CNDP2: variants seen among roughly 807,000 people sequenced by gnomAD.
CNDP2 encodes carnosine dipeptidase 2, also known as cytosolic non-specific dipeptidase.
CNDP2 carries 38 observed loss-of-function variants against 55.0 expected under a neutral mutation model. The observed-to-expected ratio is 0.69, with a 90% CI of 0.53 to 0.90. The LOEUF is 0.90. Among genes scored for constraint, CNDP2 ranks in the 40% least tolerant of loss-of-function variants. The probability of loss-of-function intolerance (pLI) is 0.00; values close to 1 mark genes in which losing one functional copy is unlikely to be tolerated. For missense variants in CNDP2, 607 were observed against 621.7 expected, an observed-to-expected ratio of 0.98 and a Z score of 0.25; for synonymous variants, 241 against 260.2, an observed-to-expected ratio of 0.93 and a Z score of 0.71.
At chr18:74,499,486 T>G (rs1239570151) in intron 1 of CNDP2, 3 of 154,308 alleles carry the variant, frequency 1.9e-5, no homozygotes, top group African/African-American at 4.8e-5. Flanking sequence ...GTTGTGGGTT[T>G]GTGGTGGTGG....
At chr18:74,512,245 C>T (rs988480272) in intron 6 of CNDP2, 15 of 553,566 alleles carry the variant, frequency 2.7e-5, no homozygotes, top group African/African-American at 2.7e-4. Context: ...CTGTGGTTGG[C>T]ATATGCCACA....
Position 74,518,825 on chromosome 18 carries a change from C to T in CNDP2, c.1211-124C>T, listed in dbSNP as rs569700752. ...CTGGACCCCTGGCGGACCTTGAACG[C>T]GGGCTTGCTGTCCCCAGGGCCTTGC... On this transcript the variant is annotated intron_variant, in intron 10 of 11. Coordinates refer to ENST00000324262, the MANE Select transcript of CNDP2 (RefSeq NM_018235.3). The T allele has an allele frequency of 3.8e-4, 559 of 1,472,926 alleles. 4 individuals are homozygous for T. In the South Asian group the frequency reaches 4.8e-3, roughly 13 times the overall value. The allele number at this position is 1,472,926 out of a possible 1,614,324, so 91.2% of individuals were successfully genotyped here. A position where few individuals can be genotyped will look rare whatever the true frequency, so the allele number is the denominator to read the frequency against.
chr18:74,501,856 C>G (rs909604522), intron 3 of CNDP2, among the ~76,000 whole-genome samples: 3 of 152,138 alleles, frequency 2.0e-5, no homozygotes, highest in African/African-American at 7.2e-5. Context: ...CCCGGCTCCC[C>G]CTCACACACA....
At position 74,498,911 on chromosome 18, in the gene CNDP2, C is replaced by T. The variant is rs1978541963; in HGVS notation, c.-92-971C>T. Among the ~76,000 whole-genome samples the T allele has an allele frequency of 1.3e-5, 2 of 152,208 alleles. 1 individual carries two copies. Among genetic ancestry groups the T allele is most frequent in the South Asian group, 4.1e-4 (2 of 4,830 alleles). On this transcript the variant is annotated intron_variant, in intron 1 of 11. Coordinates refer to ENST00000324262, the MANE Select transcript of CNDP2 (RefSeq NM_018235.3). ...GAAATCACATTTGCAACTTGCAGTG[C>T]CCTGCGATTTCATCACCCTGCACAG...
Position 74,499,907 on chromosome 18 carries a change from C to T in CNDP2, c.-67C>T, listed in dbSNP as rs966729185. ...GTCGCCCCTCAGTCTCCACTAGAGA[C>T]AGGACTGACCAGTTGCTCTTCCTTC... On this transcript the variant is annotated 5_prime_UTR_variant, in exon 2 of 12. Transcript: ENST00000324262. The T allele has an allele frequency of 4.4e-5, 63 of 1,446,032 alleles. 1 individual carries two copies. Among genetic ancestry groups the T allele is most frequent in the Non-Finnish European group, 5.6e-5 (58 of 1,030,408 alleles). The allele number at this position is 1,446,032 out of a possible 1,614,324, so 89.6% of individuals were successfully genotyped here.
intron 1 of CNDP2, 172 bp from the exon 2 acceptor site, chr18:74,499,710 A>G: frequency 2.5e-6 from 1 of 400,538 alleles, no homozygotes; most frequent in Non-Finnish European, 4.4e-6. Flanking sequence ...ATTTTGTGTA[A>G]TTTTCCTTCC....
At chr18:74,501,210 A>G in intron 2 of CNDP2, 119 bp from the exon 3 acceptor site, 1 of 1,467,446 alleles carries the variant, frequency 6.8e-7, no homozygotes, top group Non-Finnish European at 9.0e-7. Flanking sequence ...ATTTCCAATC[A>G]GCCTGTTCAA....
intron 9 of CNDP2, chr18:74,517,575 G>A (rs540439422): frequency 3.3e-5 from 5 of 152,250 alleles, no homozygotes; most frequent in Non-Finnish European, 5.9e-5. Context: ...TATCTCCTAA[G>A]GAATGCAGCG....
At chr18:74,497,879 A>G (rs913270356) in intron 1 of CNDP2, 10 of 152,064 alleles carry the variant, frequency 6.6e-5, no homozygotes, top group African/African-American at 2.4e-4. Flanking sequence ...TTAAATCAGC[A>G]TACTGCTTTT....
chr18:74,512,600 G>A lies in CNDP2; in HGVS notation c.742+68G>A, dbSNP rs868839516. 4.4e-6 allele frequency: 6 copies of A among 1,375,026 alleles called. No homozygotes were observed. In the Middle Eastern group the frequency reaches 9.0e-4, roughly 207 times the overall value. 85.2% of individuals were successfully genotyped at this position (1,375,026 alleles called of 1,614,324 possible). On this transcript the variant is annotated intron_variant, in intron 7 of 11. Transcript: ENST00000324262. Reference sequence around the variant, plus strand: ...GATGGGCGTGACTTCCAGGCTGTCTGTCATCAGCATTGGGTGCATTTCAGC... The same window carrying A: ...GATGGGCGTGACTTCCAGGCTGTCTATCATCAGCATTGGGTGCATTTCAGC...
chr18:74,513,669 G>A lies in CNDP2; in HGVS notation c.853G>A (p.Glu285Lys). 1.2e-6 allele frequency: 2 copies of A among 1,614,140 alleles called. No individual in the cohort carries two copies. The highest frequency in any genetic ancestry group is 2.2e-5 in the East Asian group (1 of 44,874). Reference protein sequence around the residue: ...KLYDDIDFDIEEFAKDVGAQI... With the variant: ...KLYDDIDFDIKEFAKDVGAQI... Reference sequence around the variant, plus strand: ...GTACGACGACATCGACTTTGACATAGAGGAGTTTGCCAAGGATGTGGGGGC... The same window carrying A: ...GTACGACGACATCGACTTTGACATAAAGGAGTTTGCCAAGGATGTGGGGGC... Residue 285 changes from glutamate to lysine, a missense_variant, in exon 8 of 12, where the codon GAG becomes AAG. Physicochemically the swap from Glu to Lys is moderately conservative, Grantham distance 56 (BLOSUM62 1). Transcript: ENST00000324262.
chr18:74,511,031 A>G lies in CNDP2; in HGVS notation c.657+18A>G. The stretch of plus-strand genomic sequence containing the variant: ...TCATCGAGGTACAGTGCCAAGCTGT[A>G]CGGGTCACTTCTTTCTAACCCCTGA... On this transcript the variant is annotated intron_variant, in intron 6 of 11. Coordinates refer to ENST00000324262, the MANE Select transcript of CNDP2 (RefSeq NM_018235.3). 1.2e-6 allele frequency: 2 copies of G among 1,606,440 alleles called. No homozygotes were observed. The highest frequency in any genetic ancestry group is 1.7e-6 in the Non-Finnish European group (2 of 1,175,014).
In CNDP2 at chr18:74,500,010, G is replaced by GA. The variant is rs1428955316; in HGVS notation, c.41dup (p.Asn14LysfsTer7). 11 of 1,613,908 alleles carry GA rather than the reference G, an allele frequency of 6.8e-6. No homozygotes were observed. On this transcript the variant is annotated frameshift_variant, in exon 2 of 12. Coordinates refer to ENST00000324262, the MANE Select transcript of CNDP2 (RefSeq NM_018235.3). LOFTEE classifies it high-confidence loss of function. ...CACTACCCTGTTTAAGTACATAGATGAAAATCAGGATCGCTACATTAAGGT... is the reference window on the plus strand; with the variant it reads ...CACTACCCTGTTTAAGTACATAGATGAAAAATCAGGATCGCTACATTAAGGT...
intron 11 of CNDP2, 112 bp downstream of exon 11, chr18:74,519,208 C>T (rs1599074627): frequency 7.5e-7 from 1 of 1,327,730 alleles, no homozygotes; most frequent in East Asian, 2.5e-5. Flanking sequence ...GGTGATGGCC[C>T]CGTGACCTGC....
In CNDP2 at chr18:74,518,425, C is replaced by T. The variant is rs562660873; in HGVS notation, c.1069-74C>T. 8.9e-6 allele frequency: 14 copies of T among 1,574,670 alleles called. No individual in the cohort carries two copies. In the South Asian group the frequency reaches 9.1e-5, roughly 10 times the overall value. On this transcript the variant is annotated intron_variant, in intron 9 of 11. Coordinates refer to ENST00000324262, the MANE Select transcript of CNDP2 (RefSeq NM_018235.3). The stretch of plus-strand genomic sequence containing the variant: ...CTCGCTGTAGACCCATGATAGCAGA[C>T]CCGTAGGTCACTAGCACTGGATCAA...
At chr18:74,506,335 A>G (rs1211186312) in intron 4 of CNDP2, among the ~76,000 whole-genome samples, 4 of 151,970 alleles carry the variant, frequency 2.6e-5, no homozygotes, top group Admixed American at 1.3e-4. Context: ...GGGTTTCACC[A>G]TGCTGGCCAG....
chr18:74,513,844 CAT>C, intron 8 of CNDP2, 125 bp downstream of exon 8: 2 of 956,410 alleles, frequency 2.1e-6, no homozygotes, highest in Non-Finnish European at 3.1e-6. Context: ...GTCCGATGCA[CAT>C]GAGTCACTCA....
chr18:74,508,579 A>G (rs2278162), intron 4 of CNDP2: 89,504 of 426,830 alleles, frequency 0.21, 10,476 homozygotes, highest in Admixed American at 0.3. Context: ...GCAGGAAGCC[A>G]TGCCCCCACC....
intron 3 of CNDP2, 150 bp downstream of exon 3, chr18:74,501,622 G>T: frequency 9.8e-7 from 1 of 1,022,130 alleles, no homozygotes; most frequent in Non-Finnish European, 1.4e-6. Context: ...TGGATGGTAA[G>T]TTCTGTACGT....
Sources: allele counts gnomAD v4.1 joint callset (sites outside exome capture counted in the v4.1 genomes callset), GRCh38; gene constraint gnomAD v4.1.1; transcripts MANE v1.5; gene names NCBI Gene and HGNC (gene_info 2026-07-23, HGNC 2026-07-21).